The following PLCL1 variants were observed in gnomAD, a reference collection of about 807,000 sequenced individuals.
PLCL1 encodes the protein phospholipase C like 1 (inactive), also known as inactive phospholipase C-like protein 1.
A neutral mutation model predicts 84.4 loss-of-function variants in PLCL1; 41 were observed. The ratio of observed to expected loss-of-function variants is 0.49; its 90% CI spans 0.38 to 0.63. The LOEUF (loss-of-function observed/expected upper bound fraction) is 0.63, where lower values mean the gene tolerates loss of function less well. Among genes scored for constraint, PLCL1 ranks in the 30% least tolerant of loss-of-function variants. The probability of loss-of-function intolerance (pLI) is 0.00; values close to 1 mark genes in which losing one functional copy is unlikely to be tolerated. For missense variants in PLCL1, 1,206 were observed against 1,367.8 expected (o/e 0.88, Z 1.87); for synonymous variants, 490 against 488.3 (o/e 1.00, Z -0.05).
intron 5 of PLCL1, among the ~76,000 whole-genome samples, chr2:198,110,814 G>C (rs1693600825): frequency 6.6e-6 from 1 of 151,796 alleles, no homozygotes; most frequent in South Asian, 2.1e-4. Flanking sequence ...CATCCACATT[G>C]TCTATTGAGA....
At chr2:197,981,923 A>G (rs945106617) in intron 1 of PLCL1, among the ~76,000 whole-genome samples, 1 of 152,196 alleles carries the variant, frequency 6.6e-6, no homozygotes, top group East Asian at 1.9e-4. Context: ...ATTTCTTGAT[A>G]AACTTGCATA....
intron 1 of PLCL1, among the ~76,000 whole-genome samples, chr2:197,891,316 C>T (rs1688022092): frequency 6.6e-6 from 1 of 152,150 alleles, no homozygotes. Flanking sequence ...AAGGATGAGA[C>T]AGTCTTAAAG....
intron 1 of PLCL1, among the ~76,000 whole-genome samples, chr2:197,807,651 T>C (rs1404601496): frequency 6.6e-6 from 1 of 152,256 alleles, no homozygotes; most frequent in Non-Finnish European, 1.5e-5. Flanking sequence ...ACATGTTCTA[T>C]ATTGAGAGAA....
At chr2:197,826,400 G>A (rs930486252) in intron 1 of PLCL1, among the ~76,000 whole-genome samples, 1 of 152,074 alleles carries the variant, frequency 6.6e-6, no homozygotes, top group African/African-American at 2.4e-5. Flanking sequence ...ATTGAAAATT[G>A]AGTTGATATA....
intron 1 of PLCL1, among the ~76,000 whole-genome samples, chr2:197,997,077 G>A (rs773539539): frequency 1.3e-5 from 2 of 152,196 alleles, no homozygotes; most frequent in African/African-American, 2.4e-5. Flanking sequence ...TCGTTTTCCT[G>A]TGCTCACGGA....
intron 1 of PLCL1, among the ~76,000 whole-genome samples, chr2:197,878,820 T>C (rs150772326): frequency 2.8e-4 from 42 of 152,306 alleles, no homozygotes; most frequent in Non-Finnish European, 4.7e-4. Context: ...GGAAATATTT[T>C]ACTCTGTTCT....
intron 1 of PLCL1, among the ~76,000 whole-genome samples, chr2:197,911,431 A>C (rs1211203594): frequency 6.6e-6 from 1 of 152,138 alleles, no homozygotes; most frequent in African/African-American, 2.4e-5. Flanking sequence ...ATTCCCTTTT[A>C]TATTTGAGGG....
Position 198,146,836 on chromosome 2 carries a change from G to C in PLCL1, c.3162G>C (p.Gln1054His). ...AKNEAIENMK[Q>H]IQLACLSCGL... ...ATGAAGCTATAGAAAACATGAAGCA[G>C]ATCCAGCTGGCATGCCTGTCCTGTG... Residue 1054 changes from glutamine (Q) to histidine (H), a missense_variant, in exon 6 of 6, where the codon CAG becomes CAC. By Grantham distance (24) the Gln-to-His change is conservative (BLOSUM62 0). Coordinates refer to ENST00000428675, the MANE Select transcript of PLCL1 (RefSeq NM_006226.4). The C allele has an allele frequency of 6.2e-7, 1 of 1,613,582 alleles. No homozygotes were observed. Among genetic ancestry groups the C allele is most frequent in the Non-Finnish European group, 8.5e-7 (1 of 1,179,706 alleles).
At chr2:197,840,426 G>T (rs1332857676) in intron 1 of PLCL1, among the ~76,000 whole-genome samples, 1 of 151,942 alleles carries the variant, frequency 6.6e-6, no homozygotes, top group Non-Finnish European at 1.5e-5. Context: ...ACATACGTGA[G>T]AAAAAATGTG....
At chr2:197,851,922 A>G (rs966501451) in intron 1 of PLCL1, among the ~76,000 whole-genome samples, 1 of 152,252 alleles carries the variant, frequency 6.6e-6, no homozygotes, top group African/African-American at 2.4e-5. Context: ...GCCACAAGAT[A>G]GATGGCTCAT....
At chr2:198,146,629 G>T in intron 5 of PLCL1, 151 bp from the exon 6 acceptor site, 1 of 570,784 alleles carries the variant, frequency 1.8e-6, no homozygotes, top group Non-Finnish European at 2.9e-6. Context: ...TGTTAGAAAA[G>T]AACCTTGGGT....
chr2:197,875,913 A>G (rs1687724645), intron 1 of PLCL1, among the ~76,000 whole-genome samples: 1 of 152,178 alleles, frequency 6.6e-6, no homozygotes. Context: ...CAGGGAGAGT[A>G]AATGTTTGGC....
intron 1 of PLCL1, among the ~76,000 whole-genome samples, chr2:197,935,441 G>T (rs914384211): frequency 1.6e-4 from 25 of 152,046 alleles, no homozygotes; most frequent in African/African-American, 5.8e-4. Context: ...ACCATAAAAA[G>T]AACAAGATCT....
intron 1 of PLCL1, among the ~76,000 whole-genome samples, chr2:198,022,224 G>A (rs1691152211): frequency 6.6e-6 from 1 of 152,112 alleles, no homozygotes; most frequent in African/African-American, 2.4e-5. Flanking sequence ...AGGTATTTGT[G>A]GAACATATCT....
chr2:197,923,366 CA>C, intron 1 of PLCL1, among the ~76,000 whole-genome samples: 1 of 143,618 alleles, frequency 7.0e-6, no homozygotes, highest in South Asian at 2.3e-4. Context: ...TCAGACGGGG[CA>C]GCTGCCGGTC....
chr2:198,003,883 C>T (rs1284165030), intron 1 of PLCL1, among the ~76,000 whole-genome samples: 1 of 152,062 alleles, frequency 6.6e-6, no homozygotes, highest in African/African-American at 2.4e-5. Flanking sequence ...GACCTCTTTC[C>T]ACCACAAAAC....
chr2:197,998,343 A>T (rs1308439651), intron 1 of PLCL1, among the ~76,000 whole-genome samples: 2 of 152,118 alleles, frequency 1.3e-5, no homozygotes, highest in Non-Finnish European at 2.9e-5. Context: ...ATTCTCAACT[A>T]ACATTCTTCT....
intron 5 of PLCL1, among the ~76,000 whole-genome samples, chr2:198,124,342 G>T (rs943180564): frequency 6.6e-6 from 1 of 151,954 alleles, no homozygotes; most frequent in South Asian, 2.1e-4. Context: ...AATTATAATT[G>T]TCTGACCTTG....
At position 197,875,040 on chromosome 2, in the gene PLCL1, C is replaced by T. The variant is rs1192050586; in HGVS notation, c.240+69701C>T. Among the ~76,000 whole-genome samples the T allele has an allele frequency of 2.6e-5, 4 of 152,116 alleles. No homozygotes were observed. The East Asian group carries it at 7.7e-4, about 29-fold the overall frequency. On this transcript the variant is annotated intron_variant, in intron 1 of 5. Coordinates refer to ENST00000428675, the MANE Select transcript of PLCL1 (RefSeq NM_006226.4). ...ATGGTTCATGACTGTAATCCCAGCACTTTAGGAGGCCGAGGTGGGCGGATC... is the reference window on the plus strand; with the variant it reads ...ATGGTTCATGACTGTAATCCCAGCATTTTAGGAGGCCGAGGTGGGCGGATC...
Sources: gnomAD v4.1 joint callset for allele counts (sites outside exome capture counted in the v4.1 genomes callset) on GRCh38, gnomAD v4.1.1 for gene constraint, MANE v1.5 for transcripts, NCBI Gene and HGNC (gene_info 2026-07-23, HGNC 2026-07-21) for gene names.